Variants in SDCCAG8 observed in about 807,000 individuals in gnomAD.
SDCCAG8 encodes the protein SHH signaling and ciliogenesis regulator SDCCAG8.
SDCCAG8 carries 74 observed loss-of-function variants against 101.8 expected under a neutral mutation model. The observed-to-expected ratio is 0.73, with a 90% CI of 0.60 to 0.88. The LOEUF (loss-of-function observed/expected upper bound fraction) is 0.88. SDCCAG8 is among the 40% of genes least tolerant of loss of function. The probability of loss-of-function intolerance (pLI) is 0.00; values close to 1 mark genes in which losing one functional copy is unlikely to be tolerated. For synonymous variants in SDCCAG8, 281 were observed against 292.9 expected, an observed-to-expected ratio of 0.96 and a Z score of 0.41; for missense variants, 787 against 822.6, an observed-to-expected ratio of 0.96 and a Z score of 0.53.
At chr1:243,428,136 T>A (rs2081465215) in intron 16 of SDCCAG8, among the ~76,000 whole-genome samples, 1 of 152,258 alleles carries the variant, frequency 6.6e-6, no homozygotes, top group Non-Finnish European at 1.5e-5. Flanking sequence ...CTCTCACACA[T>A]AGTACCTTAT....
intron 12 of SDCCAG8, among the ~76,000 whole-genome samples, chr1:243,377,107 A>G (rs916784581): frequency 3.3e-5 from 5 of 151,948 alleles, no homozygotes; most frequent in African/African-American, 9.7e-5. Context: ...CTTCTTGTGT[A>G]TCTATGTCTC....
In SDCCAG8 at chr1:243,415,035, C is replaced by T. The variant is rs1467605399; in HGVS notation, c.1617-667C>T. ...GATAGGTCAGTGTCCTATCACAGTA[C>T]GATGGGTTGTTGTCTGACTACAGAA... On this transcript the variant is annotated intron_variant, in intron 13 of 17. Coordinates refer to ENST00000366541, the MANE Select transcript of SDCCAG8 (RefSeq NM_006642.5). Among the ~76,000 whole-genome samples, 6 of 152,078 alleles carry T rather than the reference C, an allele frequency of 3.9e-5. 1 individual carries two copies. The South Asian group carries it at 6.2e-4, about 16-fold the overall frequency.
At chr1:243,496,246 TG>T in intron 17 of SDCCAG8, among the ~76,000 whole-genome samples, 1 of 152,248 alleles carries the variant, frequency 6.6e-6, no homozygotes, top group East Asian at 1.9e-4. Context: ...GATGTGTGGA[TG>T]GGGGCAGGTA....
At chr1:243,415,402 C>T (rs574412653) in intron 13 of SDCCAG8, among the ~76,000 whole-genome samples, 4 of 152,192 alleles carry the variant, frequency 2.6e-5, no homozygotes, top group African/African-American at 9.6e-5. Context: ...TAGTGTAAAA[C>T]ATTAAGAATA....
At chr1:243,420,149 T>G (rs1164940734) in intron 15 of SDCCAG8, among the ~76,000 whole-genome samples, 1 of 152,220 alleles carries the variant, frequency 6.6e-6, no homozygotes, top group Non-Finnish European at 1.5e-5. Context: ...ACATGGCAAT[T>G]CAGAGGAACT....
At chr1:243,373,298 C>A (rs2077411663) in intron 12 of SDCCAG8, among the ~76,000 whole-genome samples, 1 of 152,052 alleles carries the variant, frequency 6.6e-6, no homozygotes, top group African/African-American at 2.4e-5. Context: ...AACAGAGATA[C>A]CTGCCCTATA....
chr1:243,264,350 C>T (rs1386063500), intron 1 of SDCCAG8, among the ~76,000 whole-genome samples: 1 of 152,138 alleles, frequency 6.6e-6, no homozygotes, highest in African/African-American at 2.4e-5. Context: ...CAGGGTGGCT[C>T]ACGCCTGTAA....
intron 13 of SDCCAG8, among the ~76,000 whole-genome samples, chr1:243,396,195 G>T (rs1283437146): frequency 6.6e-6 from 1 of 152,120 alleles, no homozygotes; most frequent in East Asian, 1.9e-4. Context: ...TCTGATTTAT[G>T]AAGGGAGAGT....
intron 16 of SDCCAG8, among the ~76,000 whole-genome samples, chr1:243,440,242 G>A (rs1260893258): frequency 1.3e-5 from 2 of 151,966 alleles, no homozygotes; most frequent in Non-Finnish European, 2.9e-5. Flanking sequence ...AACGACGTAT[G>A]TTTTTGTTAA....
chr1:243,460,162 A>G (rs1254079627), intron 16 of SDCCAG8, among the ~76,000 whole-genome samples: 1 of 152,214 alleles, frequency 6.6e-6, no homozygotes, highest in Non-Finnish European at 1.5e-5. Flanking sequence ...TTTGTAAAGA[A>G]TCTATTTATT....
intron 6 of SDCCAG8, among the ~76,000 whole-genome samples, chr1:243,298,111 C>T (rs536777899): frequency 2.0e-5 from 3 of 148,682 alleles, no homozygotes; most frequent in Middle Eastern, 3.4e-3. Context: ...TGCAGTGGTG[C>T]GATCTCAGCT....
intron 12 of SDCCAG8, among the ~76,000 whole-genome samples, chr1:243,378,000 T>A (rs957098525): frequency 1.3e-5 from 2 of 151,574 alleles, no homozygotes; most frequent in Non-Finnish European, 2.9e-5. Context: ...AATATTTGAG[T>A]TTCAGTAAGA....
chr1:243,385,456 C>T (rs2078219602), intron 13 of SDCCAG8, among the ~76,000 whole-genome samples: 1 of 152,036 alleles, frequency 6.6e-6, no homozygotes, highest in Admixed American at 6.6e-5. Context: ...TGATAAGATC[C>T]AGAAGGGAGG....
intron 12 of SDCCAG8, among the ~76,000 whole-genome samples, chr1:243,374,092 C>T (rs187865777): frequency 2.6e-5 from 4 of 151,876 alleles, no homozygotes; most frequent in African/African-American, 7.2e-5. Flanking sequence ...TCCGTAAAAA[C>T]AAGAAATAGC....
intron 16 of SDCCAG8, among the ~76,000 whole-genome samples, chr1:243,483,760 T>G (rs1425421459): frequency 6.6e-6 from 1 of 151,876 alleles, no homozygotes; most frequent in Non-Finnish European, 1.5e-5. Flanking sequence ...TTTTCCTCCC[T>G]CCAGGATCCC....
At chr1:243,257,903 T>C (rs1436349144) in intron 1 of SDCCAG8, among the ~76,000 whole-genome samples, 4 of 152,226 alleles carry the variant, frequency 2.6e-5, no homozygotes, top group African/African-American at 9.6e-5. Context: ...TTTTTCCTGA[T>C]GCTTCTCTTC....
intron 17 of SDCCAG8, among the ~76,000 whole-genome samples, chr1:243,491,295 T>C (rs878937375): frequency 6.6e-6 from 1 of 152,106 alleles, no homozygotes; most frequent in Non-Finnish European, 1.5e-5. Context: ...CCTCAAAAAA[T>C]CCTCAGAAAA....
At chr1:243,428,519 T>C (rs576598757) in intron 16 of SDCCAG8, among the ~76,000 whole-genome samples, 2 of 152,200 alleles carry the variant, frequency 1.3e-5, no homozygotes, top group Non-Finnish European at 2.9e-5. Context: ...GGAAAATTTT[T>C]TGGAGATTTG....
intron 12 of SDCCAG8, among the ~76,000 whole-genome samples, chr1:243,349,111 CAT>C (rs1183893899): frequency 1.3e-5 from 2 of 152,116 alleles, no homozygotes; most frequent in African/African-American, 2.4e-5. Context: ...CTGAACAGCA[CAT>C]GTGTGACTGC....
Sources: allele counts gnomAD v4.1 joint callset (sites outside exome capture counted in the v4.1 genomes callset), GRCh38; gene constraint gnomAD v4.1.1; transcripts MANE v1.5; gene names NCBI Gene and HGNC (gene_info 2026-07-23, HGNC 2026-07-21).